Variants in ADAMTS13 observed in about 807,000 individuals in gnomAD.
The protein encoded by ADAMTS13 is ADAM metallopeptidase with thrombospondin type 1 motif 13.
Under a neutral mutation model 155.1 loss-of-function variants are expected in ADAMTS13, and 110 were observed. The ratio of observed to expected loss-of-function variants is 0.71; its 90% CI spans 0.61 to 0.83. The LOEUF is 0.83. Ranked by LOEUF, ADAMTS13 falls within the 40% of genes least tolerant of loss-of-function variation. The probability of loss-of-function intolerance (pLI) is 0.00; values close to 1 mark genes in which losing one functional copy is unlikely to be tolerated. For missense variants in ADAMTS13, 1,707 were observed against 1,891.7 expected, an observed-to-expected ratio of 0.90 and a Z score of 1.81; for synonymous variants, 758 against 756.4, an observed-to-expected ratio of 1.00 and a Z score of -0.03.
chr9:133,455,194 T>G, intron 24 of ADAMTS13, 91 bp from the exon 25 acceptor site: 7 of 1,375,858 alleles, frequency 5.1e-6, no homozygotes, highest in Non-Finnish European at 7.1e-6. Context: ...TGTACAAGGA[T>G]TATATTGGAT....
chr9:133,423,053 G>A (rs1554783992), intron 1 of ADAMTS13, 48 bp from the exon 2 acceptor site: 2 of 1,574,094 alleles, frequency 1.3e-6, no homozygotes, highest in East Asian at 4.5e-5. Flanking sequence ...TAGGATTACA[G>A]GCCAGAGCCA....
Position 133,428,757 on chromosome 9 carries a change from G to T in ADAMTS13, c.810G>T (p.Leu270=), listed in dbSNP as rs997532319. 1.4e-5 allele frequency: 19 copies of T among 1,351,142 alleles called. No homozygotes were observed. The African/African-American group carries it at 2.9e-4, about 21-fold the overall frequency. The allele number at this position is 1,351,142 out of a possible 1,614,324, so 83.7% of individuals were successfully genotyped here. ...GGTCCCCCTGCAGCCGCCGGCAGCT[G>T]CTGAGCCTGCTCAGGTAGCGGCCGC... ...LAWSPCSRRQ[L]LSLLSAGRAR... Residue 270 remains leucine (L), a synonymous_variant, in exon 7 of 29, where the codon CTG becomes CTT. Coordinates refer to ENST00000355699, the MANE Select transcript of ADAMTS13 (RefSeq NM_139027.6).
In ADAMTS13 at chr9:133,449,922, C is replaced by A; in HGVS notation, c.3001C>A (p.Pro1001Thr). The A allele has an allele frequency of 6.2e-7, 1 of 1,612,186 alleles. No homozygotes were observed. The highest frequency in any genetic ancestry group is 8.5e-7 in the Non-Finnish European group (1 of 1,179,666). Reference protein sequence around the residue: ...LDTQCQGLPRPEPQEACSLEP... With the variant: ...LDTQCQGLPRTEPQEACSLEP... ...CACCCAGTGCCAGGGGCTGCCTCGC[C>A]CGGAACCCCAGGAGGCCTGCAGCCT... Residue 1001 changes from proline (P) to threonine (T), a missense_variant, in exon 23 of 29, where the codon CCG (proline) becomes ACG (threonine). This residue lies in a region of ADAMTS13 where 961 missense variants were observed against 1,107.9 expected (regional missense o/e 0.87). Transcript: ENST00000355699.
At chr9:133,450,090 G>A in intron 23 of ADAMTS13, 125 bp downstream of exon 23, 2 of 1,200,546 alleles carry the variant, frequency 1.7e-6, no homozygotes, top group Non-Finnish European at 2.3e-6. Flanking sequence ...TTGAGTCCAG[G>A]AGTGCAAGTC....
upstream of ADAMTS13, chr9:133,417,808 G>C (rs782570302): frequency 4.4e-6 from 7 of 1,605,956 alleles, no homozygotes; most frequent in Admixed American, 1.2e-4. Context: ...GGGCTGCTCG[G>C]GGCGCGCTTG....
In ADAMTS13 at chr9:133,443,457, C is replaced by T; in HGVS notation, c.2316C>T (p.Ala772=). Residue 772 remains alanine, a synonymous_variant, in exon 19 of 29, where the codon GCC becomes GCT. Transcript: ENST00000355699. ...LRERPVRCVE[A]QGSLLKTLPP... Reference sequence around the variant, plus strand: ...AGCGGCCAGTGCGCTGCGTGGAGGCCCAGGGCAGCCTCCTGAAGACATTGC... The same window carrying T: ...AGCGGCCAGTGCGCTGCGTGGAGGCTCAGGGCAGCCTCCTGAAGACATTGC... 1 of 1,592,366 alleles carries T rather than the reference C, an allele frequency of 6.3e-7. No homozygotes were observed. Among genetic ancestry groups the T allele is most frequent in the Non-Finnish European group, 8.5e-7 (1 of 1,174,988 alleles).
In ADAMTS13 at chr9:133,443,299, A is replaced by C. The variant is rs982063303; in HGVS notation, c.2235-77A>C. The C allele has an allele frequency of 8.3e-5, 126 of 1,515,620 alleles. 1 individual carries two copies. The South Asian group carries it at 1.3e-3, about 16-fold the overall frequency. 93.9% of individuals were successfully genotyped at this position (1,515,620 alleles called of 1,614,324 possible). A position where few individuals can be genotyped will look rare whatever the true frequency, so the allele number is the denominator to read the frequency against. Reference sequence around the variant, plus strand: ...TGCTTGTCCCAGACCGGGGGAGTACATCAGCACCTGCCACCCCATCACCCC... The same window carrying C: ...TGCTTGTCCCAGACCGGGGGAGTACCTCAGCACCTGCCACCCCATCACCCC... On this transcript the variant is annotated intron_variant, in intron 18 of 28. Transcript: ENST00000355699.
chr9:133,443,901 C>T (rs1189566389), intron 19 of ADAMTS13, among the ~76,000 whole-genome samples: 1 of 152,098 alleles, frequency 6.6e-6, no homozygotes, highest in Admixed American at 6.5e-5. Flanking sequence ...TCCCCCGTGC[C>T]CACGTGGCTG....
At position 133,433,493 on chromosome 9, in the gene ADAMTS13, G is replaced by T. The variant is rs782072116; in HGVS notation, c.1208G>T (p.Gly403Val). 1.9e-6 allele frequency: 3 copies of T among 1,613,442 alleles called. No homozygotes were observed. Among genetic ancestry groups the T allele is most frequent in the African/African-American group, 1.3e-5 (1 of 74,880 alleles). The change falls in exon 10 of 29, where the codon GGT becomes GTT. Residue 403 changes from glycine (G) to valine (V), a missense_variant. Around this residue, in one of 3 missense-constraint regions of ADAMTS13, gnomAD observed 733 missense variants for 749.6 expected, o/e 0.98. Transcript: ENST00000355699. ...RSPCSRSCGG[G>V]VVTRRRQCNN... ...CCTTGCTCCCGCTCCTGCGGAGGAG[G>T]TGTGGTCACCAGGAGGCGGCAGTGC...
Position 133,454,580 on chromosome 9 carries a change from C to T in ADAMTS13, c.3210C>T (p.Ala1070=), listed in dbSNP as rs138488999. 1.3e-5 allele frequency: 21 copies of T among 1,606,274 alleles called. No homozygotes were observed. The highest frequency in any genetic ancestry group is 5.3e-5 in the African/African-American group (4 of 75,060). Residue 1070 remains alanine, a synonymous_variant, in exon 24 of 29, where the codon GCC becomes GCT. Transcript: ENST00000355699. ...RPEASVPCLI[A]DCTYRWHVGT... ...AGGCCAGTGTCCCCTGTCTCATTGCCGACTGCACCTACCGCTGGCATGTTG... is the reference window on the plus strand; with the variant it reads ...AGGCCAGTGTCCCCTGTCTCATTGCTGACTGCACCTACCGCTGGCATGTTG...
At chr9:133,428,929 C>T (rs1346949063) in intron 7 of ADAMTS13, among the ~76,000 whole-genome samples, 158 bp downstream of exon 7, 1 of 124,258 alleles carries the variant, frequency 8.0e-6, no homozygotes, top group African/African-American at 3.0e-5. Context: ...CCGCGCCCAC[C>T]GCTCCGTCCG....
In ADAMTS13 at chr9:133,456,071, G is replaced by T. The variant is rs1554795797; in HGVS notation, c.3403G>T (p.Ala1135Ser). 1 of 1,613,304 alleles carries T rather than the reference G, an allele frequency of 6.2e-7. No homozygotes were observed. Among genetic ancestry groups the T allele is most frequent in the East Asian group, 2.2e-5 (1 of 44,884 alleles). The change falls in exon 26 of 29, where the codon GCC (alanine) becomes TCC (serine). Residue 1135 changes from alanine to serine, a missense_variant and splice_region_variant. This residue lies in a region of ADAMTS13 where 961 missense variants were observed against 1,107.9 expected (regional missense o/e 0.87). Coordinates refer to ENST00000355699, the MANE Select transcript of ADAMTS13 (RefSeq NM_139027.6). This position sits in a 1 kb window ranked among gnomAD's most constrained non-coding sequence, Gnocchi z 4.4. ...CWAGPCVGQG[A>S]CGRQHLEPTG... ...CCTGTCTCCTGCTCCCTTTTCAGGT[G>T]CCTGTGGCAGGCAGCACCTTGAGCC... is the stretch of plus-strand genomic sequence containing the variant.
chr9:133,417,912 G>A (rs1588144876), upstream of ADAMTS13: 9 of 1,467,966 alleles, frequency 6.1e-6, no homozygotes, highest in East Asian at 7.0e-5. Flanking sequence ...CCGGCGCCCT[G>A]GCAGCACAAG....
At position 133,422,401 on chromosome 9, in the gene ADAMTS13, C is replaced by G; in HGVS notation, c.-43C>G. The G allele has an allele frequency of 6.4e-7, 1 of 1,565,808 alleles. No individual in the cohort carries two copies. Among genetic ancestry groups the G allele is most frequent in the South Asian group, 1.1e-5 (1 of 90,216 alleles). ...TGACCAGATTCCCAGTCACCAAGGC[C>G]CCCTCTCACTCCGCTCCACTCCTCG... On this transcript the variant is annotated 5_prime_UTR_variant, in exon 1 of 29. Transcript: ENST00000355699.
In ADAMTS13 at chr9:133,455,640, G is replaced by A. The variant is rs782241063; in HGVS notation, c.3400+205G>A. 2.5e-6 allele frequency: 4 copies of A among 1,595,400 alleles called. No individual in the cohort carries two copies. The Admixed American group carries it at 5.0e-5, about 20-fold the overall frequency. ...TCCTCCTTCCTGTCAGGCAGCTGCTGCAGGAGGGGTGGGCAAAGGCATCTT... is the reference window on the plus strand; with the variant it reads ...TCCTCCTTCCTGTCAGGCAGCTGCTACAGGAGGGGTGGGCAAAGGCATCTT... On this transcript the variant is annotated intron_variant, in intron 25 of 28. Transcript: ENST00000355699.
intron 1 of ADAMTS13, 61 bp downstream of exon 1, chr9:133,422,609 A>C: frequency 1.9e-6 from 3 of 1,562,164 alleles, no homozygotes; most frequent in Non-Finnish European, 2.6e-6. Flanking sequence ...ATTCTGAGCT[A>C]CCTGGGGCGA....
chr9:133,422,981 G>A, intron 1 of ADAMTS13, 120 bp from the exon 2 acceptor site: 1 of 481,662 alleles, frequency 2.1e-6, no homozygotes, highest in Non-Finnish European at 3.7e-6. Flanking sequence ...TTGTTATGTT[G>A]CCCCAGCTGG....
At chr9:133,452,339 T>C (rs1842485257) in intron 23 of ADAMTS13, among the ~76,000 whole-genome samples, 1 of 152,170 alleles carries the variant, frequency 6.6e-6, no homozygotes, top group African/African-American at 2.4e-5. Context: ...CTTGAACTCC[T>C]GACCTCAAGT....
At chr9:133,419,372 G>A (rs961059921), upstream of ADAMTS13, among the ~76,000 whole-genome samples, 1 of 152,204 alleles carries the variant, frequency 6.6e-6, no homozygotes, top group South Asian at 2.1e-4. Context: ...TCAGCAGCAG[G>A]ATATAAGATT....
Sources: gnomAD v4.1 joint callset for allele counts (sites outside exome capture counted in the v4.1 genomes callset) on GRCh38, gnomAD v4.1.1 for gene constraint, gnomAD v4.1.1 regional missense constraint, Gnocchi (gnomAD v3.1) non-coding constraint, MANE v1.5 for transcripts, NCBI Gene and HGNC (gene_info 2026-07-23, HGNC 2026-07-21) for gene names.